GNAL: variants seen among roughly 807,000 people sequenced by gnomAD.
The protein encoded by GNAL is G protein subunit alpha L.
GNAL carries 18 observed loss-of-function variants against 55.1 expected under a neutral mutation model. The observed-to-expected ratio is 0.33, with a 90% CI of 0.23 to 0.48. The LOEUF (loss-of-function observed/expected upper bound fraction) is 0.48. GNAL is among the 20% of genes least tolerant of loss of function. GNAL has a pLI of 0.99. For missense variants in GNAL, 412 were observed against 614.1 expected, an observed-to-expected ratio of 0.67 and a Z score of 3.48; for synonymous variants, 253 against 237.0, an observed-to-expected ratio of 1.07 and a Z score of -0.62.
At chr18:11,800,544 A>G (rs569355258) in intron 4 of GNAL, among the ~76,000 whole-genome samples, 1 of 152,314 alleles carries the variant, frequency 6.6e-6, no homozygotes, top group South Asian at 2.1e-4. Context: ...AAGGAGGTAT[A>G]TGTCCTGCCA....
chr18:11,868,571 C>G lies in GNAL; in HGVS notation c.939C>G (p.Ala313=). 6.2e-7 allele frequency: 1 copy of G among 1,610,678 alleles called. No homozygotes were observed. Among genetic ancestry groups the G allele is most frequent in the East Asian group, 2.2e-5 (1 of 44,668 alleles). ...NDVTAIIYVA[A]CSSYNMVIRE... is the part of the protein sequence containing the mutation. ...TCACAGCTATCATTTACGTCGCAGC[C>G]TGCAGTAGCTACAACATGGTGATTC... Residue 313 remains alanine, a synonymous_variant, in exon 9 of 12, where the codon GCC becomes GCG. Transcript: ENST00000334049. The surrounding 1 kb of genome is among the most constrained non-coding windows in gnomAD (Gnocchi z 4.0).
At chr18:11,772,229 T>A (rs552690706) in intron 4 of GNAL, among the ~76,000 whole-genome samples, 15 of 152,040 alleles carry the variant, frequency 9.9e-5, no homozygotes, top group African/African-American at 3.6e-4. Context: ...TAGAAAAGAG[T>A]TGTAAGAAAT....
intron 5 of GNAL, 107 bp from the exon 6 acceptor site, chr18:11,862,288 C>A: frequency 1.3e-6 from 1 of 765,278 alleles, no homozygotes; most frequent in East Asian, 2.5e-5. Context: ...GCTTCTTGGC[C>A]TGCCCCCATC....
At chr18:11,711,880 C>T (rs901800699) in intron 1 of GNAL, among the ~76,000 whole-genome samples, 1 of 152,230 alleles carries the variant, frequency 6.6e-6, no homozygotes, top group Non-Finnish European at 1.5e-5. Context: ...CTTCACCAAT[C>T]AGCCTAGCTA....
Position 11,794,409 on chromosome 18 carries a change from G to A in GNAL, c.625-30509G>A, listed in dbSNP as rs551441322. 1.6e-4 allele frequency among the ~76,000 whole-genome samples: 25 copies of A among 152,324 alleles called. 1 individual carries two copies. The South Asian group carries it at 5.0e-3, about 30-fold the overall frequency. On this transcript the variant is annotated intron_variant, in intron 4 of 11. Transcript: ENST00000334049. ...ATATTACTCAGCCATCAAAAGGAACGAAGTTCTGATACTTGCCACAGCATG... is the reference window on the plus strand; with the variant it reads ...ATATTACTCAGCCATCAAAAGGAACAAAGTTCTGATACTTGCCACAGCATG...
Position 11,884,621 on chromosome 18 carries a change from T to C in GNAL, c.*3486T>C. ...GAGAGGGTGTAGTCTGTGGGCGTGA[T>C]GCTACCCTGGAAAGGAGAAGGGAAA... On this transcript the variant is annotated 3_prime_UTR_variant, in exon 12 of 12. Coordinates refer to ENST00000334049, the MANE Select transcript of GNAL (RefSeq NM_182978.4). The C allele has an allele frequency of 6.2e-7, 1 of 1,613,292 alleles. No individual in the cohort carries two copies. Among genetic ancestry groups the C allele is most frequent in the Non-Finnish European group, 8.5e-7 (1 of 1,179,780 alleles).
chr18:11,856,665 C>T (rs1383030414), intron 5 of GNAL, among the ~76,000 whole-genome samples: 2 of 152,048 alleles, frequency 1.3e-5, no homozygotes, highest in African/African-American at 2.4e-5. Context: ...GTGGCTCACA[C>T]CTGTAATCCC....
chr18:11,728,627 A>C (rs968090265), intron 1 of GNAL, among the ~76,000 whole-genome samples: 2 of 152,138 alleles, frequency 1.3e-5, no homozygotes, highest in Non-Finnish European at 2.9e-5. Flanking sequence ...TTTTAAGATA[A>C]ATCTGCTTAA....
chr18:11,724,239 G>C (rs954730405), intron 1 of GNAL, among the ~76,000 whole-genome samples: 1 of 152,114 alleles, frequency 6.6e-6, no homozygotes, highest in Non-Finnish European at 1.5e-5. Context: ...CTCAGCCTCT[G>C]GGGGGGACCT....
intron 8 of GNAL, among the ~76,000 whole-genome samples, chr18:11,867,575 G>A (rs1376371599): frequency 6.6e-6 from 1 of 152,064 alleles, no homozygotes; most frequent in Admixed American, 6.6e-5. Flanking sequence ...AGCACTTTGG[G>A]AGGCCGAGGC....
At chr18:11,841,655 A>G (rs2035616678) in intron 5 of GNAL, among the ~76,000 whole-genome samples, 2 of 151,914 alleles carry the variant, frequency 1.3e-5, no homozygotes, top group Admixed American at 6.6e-5. Flanking sequence ...AAAAAAAAAA[A>G]AAAAAAAGAA....
chr18:11,884,309 CATT>C lies in GNAL; in HGVS notation c.*3175_*3177del, dbSNP rs1182155618. The C allele has an allele frequency of 8.8e-6, 7 of 796,514 alleles. No individual in the cohort carries two copies. Among genetic ancestry groups the C allele is most frequent in the Non-Finnish European group, 1.4e-5 (7 of 488,022 alleles). The allele number at this position is 796,514 out of a possible 1,614,324, so 49.3% of individuals were successfully genotyped here. A position where few individuals can be genotyped will look rare whatever the true frequency, so the allele number is the denominator to read the frequency against. On this transcript the variant is annotated 3_prime_UTR_variant, in exon 12 of 12. Transcript: ENST00000334049. ...ATCAACTATTTATTTTGCAGTTACTCATTTCAGTGATTGAGAATTTCTGTGCTG... is the reference window on the plus strand; with the variant it reads ...ATCAACTATTTATTTTGCAGTTACTCTCAGTGATTGAGAATTTCTGTGCTG...
At chr18:11,707,610 A>G (rs1307685901) in intron 1 of GNAL, among the ~76,000 whole-genome samples, 3 of 152,200 alleles carry the variant, frequency 2.0e-5, no homozygotes, top group Non-Finnish European at 4.4e-5. Context: ...TTCAACTTAA[A>G]GTTACCAGTT....
At chr18:11,697,560 A>G (rs1303175366) in intron 1 of GNAL, among the ~76,000 whole-genome samples, 1 of 149,008 alleles carries the variant, frequency 6.7e-6, no homozygotes. Context: ...TCAGTCTCAG[A>G]AAAAAAAAAG....
chr18:11,699,546 GT>G lies in GNAL; in HGVS notation c.376+9617del, dbSNP rs59919332. 2.0e-4 allele frequency among the ~76,000 whole-genome samples: 29 copies of G among 146,320 alleles called. 1 individual carries two copies. The highest frequency in any genetic ancestry group is 8.0e-4 in the East Asian group (4 of 4,988). ...AAATTTATTAATACTTAGTTGTTGGGTTTTTTTTTTGAGGGGGGGGGTTGGC... is the reference window on the plus strand; with the variant it reads ...AAATTTATTAATACTTAGTTGTTGGGTTTTTTTTTGAGGGGGGGGGTTGGC... On this transcript the variant is annotated intron_variant, in intron 1 of 11. Transcript: ENST00000334049.
At chr18:11,876,864 A>T (rs1032339306) in intron 11 of GNAL, among the ~76,000 whole-genome samples, 176 bp downstream of exon 11, 1 of 152,188 alleles carries the variant, frequency 6.6e-6, no homozygotes, top group Admixed American at 6.6e-5. Context: ...GAGAGGTTAG[A>T]TTTCTCACCC....
intron 1 of GNAL, among the ~76,000 whole-genome samples, chr18:11,716,700 G>C (rs1009101886): frequency 2.6e-5 from 4 of 152,222 alleles, no homozygotes; most frequent in African/African-American, 7.2e-5. Context: ...GTACCCACCA[G>C]AGTAGCTAGA....
At chr18:11,747,522 C>G (rs79185036) in intron 1 of GNAL, 1 of 152,880 alleles carries the variant, frequency 6.5e-6, no homozygotes, top group Non-Finnish European at 1.5e-5. Context: ...GATCGATGCC[C>G]GCTCACTGAC....
At chr18:11,754,958 C>A (rs189321740) in intron 4 of GNAL, among the ~76,000 whole-genome samples, 1 of 151,850 alleles carries the variant, frequency 6.6e-6, no homozygotes, top group Admixed American at 6.6e-5. Flanking sequence ...CTCAGAAAGT[C>A]ATTTTCATTT....
Sources: gnomAD v4.1 joint callset for allele counts (sites outside exome capture counted in the v4.1 genomes callset) on GRCh38, gnomAD v4.1.1 for gene constraint, Gnocchi (gnomAD v3.1) non-coding constraint, MANE v1.5 for transcripts, NCBI Gene and HGNC (gene_info 2026-07-23, HGNC 2026-07-21) for gene names.